CNTLN: variants seen among roughly 807,000 people sequenced by gnomAD.
The protein encoded by CNTLN is centlein, centrosomal protein.
Under a neutral mutation model 180.0 loss-of-function variants are expected in CNTLN, and 212 were observed. The ratio of observed to expected loss-of-function variants is 1.18; its 90% CI spans 1.05 to 1.32. The LOEUF (loss-of-function observed/expected upper bound fraction) is 1.32. Among genes scored for constraint, CNTLN ranks in the 40% most tolerant of loss-of-function variants. The pLI is 0.00. For missense variants in CNTLN, 2,095 were observed against 1,610.9 expected (o/e 1.30, Z -5.14); for synonymous variants, 722 against 563.1 (o/e 1.28, Z -3.99).
chr9:17,317,920 T>C (rs563457670), intron 8 of CNTLN, among the ~76,000 whole-genome samples: 23 of 152,116 alleles, frequency 1.5e-4, no homozygotes, highest in Admixed American at 9.2e-4. Flanking sequence ...TTACTCTGAG[T>C]GAAATGGAAA....
chr9:17,526,902 C>T, the CNTLN span, among the ~76,000 whole-genome samples: 4 of 151,560 alleles, frequency 2.6e-5, no homozygotes, highest in Non-Finnish European at 5.9e-5. Context: ...GATTTTGAGG[C>T]GGAGTCTCGC....
intron 6 of CNTLN, among the ~76,000 whole-genome samples, chr9:17,289,730 C>A (rs371690940): frequency 4.2e-5 from 6 of 142,838 alleles, no homozygotes; most frequent in Admixed American, 7.0e-5. Flanking sequence ...TTTTCTCTAA[C>A]CTTCCCTTCT....
chr9:17,413,909 G>A (rs981828329), intron 16 of CNTLN, among the ~76,000 whole-genome samples: 2 of 152,142 alleles, frequency 1.3e-5, no homozygotes, highest in Non-Finnish European at 2.9e-5. Context: ...ACTTGTACAT[G>A]AATGATCATA....
intron 12 of CNTLN, among the ~76,000 whole-genome samples, chr9:17,354,035 G>A (rs376150850): frequency 2.6e-5 from 4 of 152,316 alleles, no homozygotes; most frequent in Admixed American, 6.5e-5. Context: ...CGGAGCAGCC[G>A]ACCAGCCCTG....
At chr9:17,361,109 G>A (rs563786912) in intron 12 of CNTLN, among the ~76,000 whole-genome samples, 5 of 151,796 alleles carry the variant, frequency 3.3e-5, no homozygotes, top group African/African-American at 1.2e-4. Context: ...TGTGCACAAC[G>A]TGCAGGTTTG....
intron 3 of CNTLN, among the ~76,000 whole-genome samples, chr9:17,231,073 T>A (rs1466661332): frequency 6.6e-6 from 1 of 152,132 alleles, no homozygotes; most frequent in African/African-American, 2.4e-5. Context: ...AATTCTCTGA[T>A]GGATCTGAAA....
chr9:17,305,790 A>G (rs970512039), intron 7 of CNTLN, among the ~76,000 whole-genome samples: 2 of 152,212 alleles, frequency 1.3e-5, no homozygotes, highest in African/African-American at 4.8e-5. Flanking sequence ...CTGTACTCTA[A>G]GTTCACAACT....
At chr9:17,276,063 AC>A (rs1828289223) in intron 6 of CNTLN, among the ~76,000 whole-genome samples, 1 of 152,062 alleles carries the variant, frequency 6.6e-6, no homozygotes, top group East Asian at 1.9e-4. Flanking sequence ...CAGGATCCAT[AC>A]CCCAAATGTC....
rs1178974904 is a variant in CNTLN, at chr9:17,267,569, A to T, written c.850-6164A>T. Among the ~76,000 whole-genome samples, 5 of 151,540 alleles carry T rather than the reference A, an allele frequency of 3.3e-5. No homozygotes were observed. In the East Asian group the frequency reaches 9.7e-4, roughly 29 times the overall value. On this transcript the variant is annotated intron_variant, in intron 5 of 25. Coordinates refer to ENST00000380647, the MANE Select transcript of CNTLN (RefSeq NM_017738.4). ...TTTGTGGCGTTCTCTGTGTTTCCTG[A>T]ATCTGAATGTTGGCCAAACTTGCTA...
intron 7 of CNTLN, chr9:17,301,298 A>G (rs1818329023): frequency 1.0e-6 from 1 of 985,294 alleles, no homozygotes; most frequent in Non-Finnish European, 1.2e-6. Flanking sequence ...TTGAAACCGT[A>G]AACACTTTTC....
intron 12 of CNTLN, among the ~76,000 whole-genome samples, chr9:17,347,010 A>G (rs1214523433): frequency 6.6e-6 from 1 of 152,180 alleles, no homozygotes; most frequent in African/African-American, 2.4e-5. Flanking sequence ...GAGCTCATGC[A>G]GCAAGTTTTT....
intron 18 of CNTLN, among the ~76,000 whole-genome samples, chr9:17,434,913 C>G (rs1829670606): frequency 6.6e-6 from 1 of 152,026 alleles, no homozygotes; most frequent in African/African-American, 2.4e-5. Context: ...AAGAAATCTA[C>G]TGTCATTCAA....
chr9:17,221,135 A>G (rs991135237), intron 2 of CNTLN, among the ~76,000 whole-genome samples: 37 of 152,234 alleles, frequency 2.4e-4, no homozygotes, highest in African/African-American at 8.4e-4. Context: ...CTCCTAATGT[A>G]TATACCTCTA....
rs139280596 is a variant in CNTLN at position 17,244,316 on chromosome 9, A to G, written c.849+7728A>G. On this transcript the variant is annotated intron_variant, in intron 5 of 25. Transcript: ENST00000380647. ...AGTCTCCACCTCCTAGGCTCAAGCA[A>G]TCCTCCCACCTCAGCCTCTTGAGTA... Among the ~76,000 whole-genome samples, 44 of 152,016 alleles carry G rather than the reference A, an allele frequency of 2.9e-4. 1 individual carries two copies. The East Asian group carries it at 7.0e-3, about 24-fold the overall frequency.
intron 9 of CNTLN, among the ~76,000 whole-genome samples, chr9:17,331,689 C>T (rs1292074748): frequency 1.3e-5 from 2 of 151,904 alleles, no homozygotes; most frequent in Admixed American, 1.3e-4. Flanking sequence ...TACTGTTATT[C>T]ATGCTCTCTG....
chr9:17,446,966 T>C (rs1304683652), intron 18 of CNTLN, among the ~76,000 whole-genome samples: 1 of 152,228 alleles, frequency 6.6e-6, no homozygotes, highest in Non-Finnish European at 1.5e-5. Context: ...TCAGTCATTA[T>C]AATTGTACTT....
intron 5 of CNTLN, among the ~76,000 whole-genome samples, chr9:17,265,511 GT>G: frequency 1.3e-5 from 2 of 150,934 alleles, no homozygotes; most frequent in East Asian, 3.9e-4. Context: ...TCTTTTTTTT[GT>G]TGTGTCTCTG....
intron 16 of CNTLN, among the ~76,000 whole-genome samples, chr9:17,412,945 A>G (rs1479802303): frequency 6.6e-6 from 1 of 152,186 alleles, no homozygotes; most frequent in African/African-American, 2.4e-5. Flanking sequence ...TAAATAGAAG[A>G]TATAAAAGTA....
chr9:17,439,155 A>G (rs964473565), intron 18 of CNTLN, among the ~76,000 whole-genome samples: 5 of 152,192 alleles, frequency 3.3e-5, no homozygotes, highest in Admixed American at 1.3e-4. Context: ...TAAAATATAA[A>G]CATCTAATAA....
Sources: allele counts gnomAD v4.1 joint callset (sites outside exome capture counted in the v4.1 genomes callset), GRCh38; gene constraint gnomAD v4.1.1; transcripts MANE v1.5; gene names NCBI Gene and HGNC (gene_info 2026-07-23, HGNC 2026-07-21).